Variants in DAPK1 observed in about 807,000 individuals in gnomAD.
The protein encoded by DAPK1 is death associated protein kinase 1, also known as death-associated protein kinase 1.
Under a neutral mutation model 144.9 loss-of-function variants are expected in DAPK1, and 56 were observed. The ratio of observed to expected loss-of-function variants is 0.39; its 90% CI spans 0.31 to 0.48. The LOEUF is 0.48. DAPK1 is among the 20% of genes least tolerant of loss of function. The pLI is 0.95. For synonymous variants in DAPK1, 690 were observed against 749.0 expected (o/e 0.92, Z 1.29); for missense variants, 1,454 against 1,875.4 (o/e 0.78, Z 4.15).
At chr9:87,672,448 C>T (rs184208738) in intron 19 of DAPK1, among the ~76,000 whole-genome samples, 64 of 152,260 alleles carry the variant, frequency 4.2e-4, no homozygotes, top group African/African-American at 1.5e-3. Flanking sequence ...CGGGGGGCTC[C>T]AGGGCAGATT....
Position 87,606,532 on chromosome 9 carries a change from TCCCC to T in DAPK1, c.284+1360_284+1363del, listed in dbSNP as rs1564019771. The stretch of plus-strand genomic sequence containing the variant: ...CTCTCTCCTTCCTTCCTTCCTTCCT[TCCCC>T]CCTCCCTCCCTCTCTCCCTCTCTCC... On this transcript the variant is annotated intron_variant, in intron 3 of 25. Coordinates refer to ENST00000408954, the MANE Select transcript of DAPK1 (RefSeq NM_004938.4). 2.8e-3 allele frequency among the ~76,000 whole-genome samples: 142 copies of T among 51,048 alleles called. 1 individual carries two copies. Among genetic ancestry groups the T allele is most frequent in the African/African-American group, 0.011 (137 of 12,196 alleles). The allele number at this position is 51,048 out of a possible 152,430, so 33.5% of individuals were successfully genotyped here. A position where few individuals can be genotyped will look rare whatever the true frequency, so the allele number is the denominator to read the frequency against.
rs966689069 is a variant in DAPK1, at chr9:87,686,139, A to G, written c.2225-412A>G. The stretch of plus-strand genomic sequence containing the variant: ...CATGTGCAAGAGAGAGAAGTCGCTC[A>G]GTGGGAGCTGGAGGAAGACAGAGAC... On this transcript the variant is annotated intron_variant, in intron 20 of 25. Transcript: ENST00000408954. This position sits in a 1 kb window ranked among gnomAD's most constrained non-coding sequence, Gnocchi z 4.2. Among the ~76,000 whole-genome samples the G allele has an allele frequency of 5.9e-5, 9 of 152,250 alleles. No homozygotes were observed. Among genetic ancestry groups the G allele is most frequent in the Admixed American group, 2.0e-4 (3 of 15,282 alleles).
In DAPK1 at chr9:87,523,154, A is replaced by G. The variant is rs538647348; in HGVS notation, c.62+24015A>G. On this transcript the variant is annotated intron_variant, in intron 2 of 25. Coordinates refer to ENST00000408954, the MANE Select transcript of DAPK1 (RefSeq NM_004938.4). ...ATTCAGTGGCGTTAAGTCCATTCAC[A>G]TTGGTTGTGCAGCCATCACCACTAT... is the stretch of plus-strand genomic sequence containing the variant. Among the ~76,000 whole-genome samples, 3 of 152,252 alleles carry G rather than the reference A, an allele frequency of 2.0e-5. No homozygotes were observed. In the East Asian group the frequency reaches 5.8e-4, roughly 29 times the overall value.
At chr9:87,558,166 C>G (rs1278628902) in intron 2 of DAPK1, among the ~76,000 whole-genome samples, 1 of 152,088 alleles carries the variant, frequency 6.6e-6, no homozygotes, top group Non-Finnish European at 1.5e-5. Context: ...TGAGAGCTGC[C>G]AGAAGCTTGT....
intron 2 of DAPK1, among the ~76,000 whole-genome samples, chr9:87,544,367 A>T (rs1239422185): frequency 6.6e-6 from 1 of 152,250 alleles, no homozygotes; most frequent in Non-Finnish European, 1.5e-5. Flanking sequence ...ATGCTTTTTG[A>T]CAATGACAAA....
intron 17 of DAPK1, among the ~76,000 whole-genome samples, chr9:87,655,171 A>T (rs1437957373): frequency 6.6e-6 from 1 of 152,146 alleles, no homozygotes; most frequent in African/African-American, 2.4e-5. Flanking sequence ...TGGAATTAGC[A>T]GCAAAATTCA....
chr9:87,632,678 G>T, intron 3 of DAPK1: 1 of 982,584 alleles, frequency 1.0e-6, no homozygotes, highest in Non-Finnish European at 1.2e-6. Flanking sequence ...GAAGGAAGAT[G>T]AGTACCTATA....
intron 3 of DAPK1, among the ~76,000 whole-genome samples, chr9:87,620,583 A>G (rs10124003): frequency 4.1e-5 from 5 of 122,266 alleles, no homozygotes; most frequent in South Asian, 3.0e-4. Flanking sequence ...AGGGGGAGGG[A>G]GAGGGGAGGA....
At chr9:87,664,321 G>A (rs139836486) in intron 18 of DAPK1, among the ~76,000 whole-genome samples, 21 of 151,986 alleles carry the variant, frequency 1.4e-4, no homozygotes, top group South Asian at 8.3e-4. Flanking sequence ...CACCCCCTGC[G>A]CATAGTGTGC....
At position 87,521,688 on chromosome 9, in the gene DAPK1, T is replaced by C. The variant is rs182276404; in HGVS notation, c.62+22549T>C. 1.1e-3 allele frequency among the ~76,000 whole-genome samples: 171 copies of C among 152,334 alleles called. 1 individual carries two copies. Among genetic ancestry groups the C allele is most frequent in the Non-Finnish European group, 1.7e-3 (116 of 68,024 alleles). The stretch of plus-strand genomic sequence containing the variant: ...CAGCTTTATCCAATCTTTTGGCAAT[T>C]TTATTCCCCATCATTTAGGAAAGAG... On this transcript the variant is annotated intron_variant, in intron 2 of 25. Transcript: ENST00000408954.
At chr9:87,505,623 C>T (rs2118041212) in intron 2 of DAPK1, among the ~76,000 whole-genome samples, 1 of 152,254 alleles carries the variant, frequency 6.6e-6, no homozygotes, top group South Asian at 2.1e-4. Context: ...TCTTGAACTC[C>T]TGACCTCGTG....
Position 87,707,306 on chromosome 9 carries a change from C to T in DAPK1, c.4235C>T (p.Ala1412Val). ...NLDGNGQEAY[A>V]SSCNSGTSYN... Reference sequence around the variant, plus strand: ...GATGGCAATGGCCAGGAGGCCTATGCCTCGAGCTGCAACAGCGGCACCTCT... The same window carrying T: ...GATGGCAATGGCCAGGAGGCCTATGTCTCGAGCTGCAACAGCGGCACCTCT... The change falls in exon 26 of 26, where the codon GCC (alanine) becomes GTC (valine). Residue 1412 changes from alanine (A) to valine (V), a missense_variant. By Grantham distance (64) the Ala-to-Val change is moderately conservative. Around this residue, in one of 2 missense-constraint regions of DAPK1, gnomAD observed 1,025 missense variants for 1,237.9 expected, o/e 0.83. Transcript: ENST00000408954. The surrounding 1 kb of genome is among the most constrained non-coding windows in gnomAD (Gnocchi z 4.0). 1.2e-6 allele frequency: 2 copies of T among 1,612,926 alleles called. No individual in the cohort carries two copies. Among genetic ancestry groups the T allele is most frequent in the Non-Finnish European group, 1.7e-6 (2 of 1,179,206 alleles).
intron 7 of DAPK1, 133 bp downstream of exon 7, chr9:87,639,948 C>A: frequency 1.1e-6 from 1 of 932,098 alleles, no homozygotes; most frequent in Non-Finnish European, 1.6e-6. Context: ...ATTTTACACC[C>A]CCAAAACATG....
At chr9:87,501,198 A>G (rs1824377134) in intron 2 of DAPK1, among the ~76,000 whole-genome samples, 1 of 152,216 alleles carries the variant, frequency 6.6e-6, no homozygotes, top group South Asian at 2.1e-4. Flanking sequence ...TAAGCAGTGA[A>G]TTACTAGTAG....
At chr9:87,519,216 AG>A (rs1825200103) in intron 2 of DAPK1, among the ~76,000 whole-genome samples, 1 of 152,216 alleles carries the variant, frequency 6.6e-6, no homozygotes, top group Non-Finnish European at 1.5e-5. Flanking sequence ...GAGAGCAGGC[AG>A]CAATGGCAGG....
At chr9:87,666,289 C>T (rs1831050286) in intron 18 of DAPK1, among the ~76,000 whole-genome samples, 2 of 152,060 alleles carry the variant, frequency 1.3e-5, no homozygotes, top group South Asian at 2.1e-4. Context: ...ACCACATAGC[C>T]GGTGAGGGGT....
chr9:87,614,850 C>T (rs1397958812), intron 3 of DAPK1, among the ~76,000 whole-genome samples: 1 of 152,182 alleles, frequency 6.6e-6, no homozygotes, highest in Non-Finnish European at 1.5e-5. Context: ...GTTTGGTGGT[C>T]AGGCTCCACT....
At chr9:87,580,761 G>A (rs1827725910) in intron 2 of DAPK1, among the ~76,000 whole-genome samples, 2 of 152,124 alleles carry the variant, frequency 1.3e-5, no homozygotes, top group African/African-American at 4.8e-5. Flanking sequence ...TGATTAAATT[G>A]CCCCTGTAAA....
intron 2 of DAPK1, among the ~76,000 whole-genome samples, chr9:87,538,298 G>A (rs1825928195): frequency 6.6e-6 from 1 of 152,052 alleles, no homozygotes. Flanking sequence ...AATGGCCATT[G>A]GAGGTGGGGA....
Sources: allele counts gnomAD v4.1 joint callset (sites outside exome capture counted in the v4.1 genomes callset), GRCh38; gene constraint gnomAD v4.1.1; regional missense constraint gnomAD v4.1.1; non-coding constraint Gnocchi (gnomAD v3.1); transcripts MANE v1.5; gene names NCBI Gene and HGNC (gene_info 2026-07-23, HGNC 2026-07-21).